The following ADAMTSL3 variants were observed in gnomAD, a reference collection of about 807,000 sequenced individuals.
ADAMTSL3 encodes ADAMTS-like protein 3.
Under a neutral mutation model 201.7 loss-of-function variants are expected in ADAMTSL3, and 128 were observed. The observed-to-expected ratio is 0.63, with a 90% CI of 0.55 to 0.73. The LOEUF is 0.73. ADAMTSL3 is among the 30% of genes least tolerant of loss of function. The pLI is 0.00. For synonymous variants in ADAMTSL3, 738 were observed against 748.4 expected (o/e 0.99, Z 0.23); for missense variants, 1,990 against 2,119.6 (o/e 0.94, Z 1.20).
chr15:83,866,409 C>G (rs367607718), intron 8 of ADAMTSL3, among the ~76,000 whole-genome samples: 24 of 152,244 alleles, frequency 1.6e-4, no homozygotes, highest in East Asian at 5.8e-4. Context: ...CACATATACA[C>G]CATGGAATAC....
In ADAMTSL3 at chr15:83,981,021, C is replaced by T. The variant is rs550041750; in HGVS notation, c.2645-1252C>T. Among the ~76,000 whole-genome samples, 8 of 152,368 alleles carry T rather than the reference C, an allele frequency of 5.3e-5. 1 individual carries two copies. The South Asian group carries it at 1.7e-3, about 32-fold the overall frequency. On this transcript the variant is annotated intron_variant, in intron 20 of 29. Transcript: ENST00000286744. The stretch of plus-strand genomic sequence containing the variant: ...CCCAAGGTAAATTAGGTCCCCATTG[C>T]ATGACCTTCTAAATCCAGAGGTATT...
In ADAMTSL3 at chr15:83,983,107, A is replaced by G. The variant is rs1350838334; in HGVS notation, c.3479A>G (p.Gln1160Arg). ...QLRGETGSVS[Q>R]SSHAKNSGKL... ...AGAGGGGAAACAGGGAGTGTGTCCC[A>G]AAGCTCGCATGCAAAAAACTCAGGC... The change falls in exon 21 of 30, where the codon CAA becomes CGA. Residue 1160 changes from glutamine to arginine, a missense_variant. Transcript: ENST00000286744. 6.2e-7 allele frequency: 1 copy of G among 1,614,164 alleles called. No homozygotes were observed.
At chr15:83,988,590 C>G (rs1209797979) in intron 21 of ADAMTSL3, 101 bp from the exon 22 acceptor site, 4 of 1,098,248 alleles carry the variant, frequency 3.6e-6, no homozygotes, top group African/African-American at 1.6e-5. Flanking sequence ...TTTGCCAGCC[C>G]AAAGCCTGTA....
chr15:83,924,824 C>T (rs767630654), intron 17 of ADAMTSL3, among the ~76,000 whole-genome samples: 1 of 152,058 alleles, frequency 6.6e-6, no homozygotes, highest in African/African-American at 2.4e-5. Context: ...CCCTCTTCTG[C>T]GAGAAGAATT....
At position 83,830,173 on chromosome 15, in the gene ADAMTSL3, G is replaced by A. The variant is rs1271146709; in HGVS notation, c.601-7916G>A. Among the ~76,000 whole-genome samples, 9 of 152,298 alleles carry A rather than the reference G, an allele frequency of 5.9e-5. No individual in the cohort carries two copies. In the East Asian group the frequency reaches 1.5e-3, roughly 26 times the overall value. ...AGAACAGGGGGCATGGGGCAAAGGT[G>A]ATGAGCTGGGCGTGCCTGTCAATCT... is the stretch of plus-strand genomic sequence containing the variant. On this transcript the variant is annotated intron_variant, in intron 6 of 29. Coordinates refer to ENST00000286744, the MANE Select transcript of ADAMTSL3 (RefSeq NM_207517.3).
intron 23 of ADAMTSL3, among the ~76,000 whole-genome samples, chr15:83,996,053 T>G (rs2141847109): frequency 1.3e-5 from 2 of 152,302 alleles, no homozygotes; most frequent in African/African-American, 4.8e-5. Flanking sequence ...GGATAATTGT[T>G]TATAAATATA....
chr15:83,700,697 GA>G (rs2061762432), intron 2 of ADAMTSL3, among the ~76,000 whole-genome samples: 2 of 152,182 alleles, frequency 1.3e-5, no homozygotes, highest in South Asian at 4.1e-4. Flanking sequence ...CTGTGAGGCG[GA>G]GAGTGCAGTG....
chr15:83,968,122 G>A (rs1305966198), intron 19 of ADAMTSL3, among the ~76,000 whole-genome samples: 2 of 152,082 alleles, frequency 1.3e-5, no homozygotes, highest in Non-Finnish European at 2.9e-5. Context: ...CATAGACATG[G>A]GCAAAGACTT....
At chr15:84,012,639 A>G (rs955451453) in intron 23 of ADAMTSL3, among the ~76,000 whole-genome samples, 5 of 152,244 alleles carry the variant, frequency 3.3e-5, no homozygotes, top group South Asian at 2.1e-4. Context: ...TTTAAGGCCA[A>G]CTGATTAGTA....
chr15:84,015,401 A>G (rs1222573919), intron 24 of ADAMTSL3, among the ~76,000 whole-genome samples: 1 of 152,348 alleles, frequency 6.6e-6, no homozygotes, highest in East Asian at 1.9e-4. Flanking sequence ...GCCCAGAGAT[A>G]TAAAGAGATA....
rs573289246 is a variant in ADAMTSL3, at chr15:83,891,716, G to A, written c.1262+337G>A. Among the ~76,000 whole-genome samples, 21 of 152,282 alleles carry A rather than the reference G, an allele frequency of 1.4e-4. 1 individual carries two copies. In the South Asian group the frequency reaches 4.2e-3, roughly 30 times the overall value. Reference sequence around the variant, plus strand: ...TGGTCCTTCCTGACTCTGAGGTTCTGTGATTCTCTAATAATATTGTCCATT... The same window carrying A: ...TGGTCCTTCCTGACTCTGAGGTTCTATGATTCTCTAATAATATTGTCCATT... On this transcript the variant is annotated intron_variant, in intron 12 of 29. Coordinates refer to ENST00000286744, the MANE Select transcript of ADAMTSL3 (RefSeq NM_207517.3).
chr15:83,886,480 A>G (rs2065393492), intron 10 of ADAMTSL3, among the ~76,000 whole-genome samples: 1 of 152,232 alleles, frequency 6.6e-6, no homozygotes, highest in African/African-American at 2.4e-5. Context: ...TATCTTGTTC[A>G]GCTAGTAAAC....
chr15:83,848,562 C>T (rs565001162), intron 7 of ADAMTSL3, among the ~76,000 whole-genome samples: 3 of 152,258 alleles, frequency 2.0e-5, no homozygotes, highest in Admixed American at 6.5e-5. Flanking sequence ...ACAAGTGAAA[C>T]CCATAAAATG....
At position 83,892,869 on chromosome 15, in the gene ADAMTSL3, T is replaced by C; in HGVS notation, c.1448T>C (p.Ile483Thr). The stretch of plus-strand genomic sequence containing the variant: ...AATCTGTTTGATTGCCCCAAGTGGA[T>C]TGCCATGGAGTGGTCTCAGGTAAGA... ...TCNLFDCPKWIAMEWSQCTVT... is the reference protein window; with the variant it reads ...TCNLFDCPKWTAMEWSQCTVT... Residue 483 changes from isoleucine (I) to threonine (T), a missense_variant, in exon 13 of 30, where the codon ATT (isoleucine) becomes ACT (threonine). Ile to Thr is a moderately conservative substitution (Grantham distance 89). Coordinates refer to ENST00000286744, the MANE Select transcript of ADAMTSL3 (RefSeq NM_207517.3). 6.2e-7 allele frequency: 1 copy of C among 1,614,070 alleles called. No homozygotes were observed. The highest frequency in any genetic ancestry group is 1.1e-5 in the South Asian group (1 of 91,072).
chr15:83,849,108 T>C (rs1029287736), intron 7 of ADAMTSL3, among the ~76,000 whole-genome samples: 6 of 152,148 alleles, frequency 3.9e-5, no homozygotes, highest in Non-Finnish European at 5.9e-5. Context: ...TAAGATGGGA[T>C]GGAGAGGAAG....
rs1471511511 is a variant in ADAMTSL3, at chr15:83,942,590, T to A, written c.2118-6T>A. On this transcript the variant is annotated splice_region_variant and splice_polypyrimidine_tract_variant and intron_variant, in intron 17 of 29. Coordinates refer to ENST00000286744, the MANE Select transcript of ADAMTSL3 (RefSeq NM_207517.3). ...TTCAACTTTCCCCACTTGTTTTCTG[T>A]TTTAGGTGGCATGTGGGCTCTTGGG... The A allele has an allele frequency of 6.2e-7, 1 of 1,610,094 alleles. No individual in the cohort carries two copies.
intron 15 of ADAMTSL3, among the ~76,000 whole-genome samples, chr15:83,903,936 AAAAAAAAAG>A (rs2065781260): frequency 1.6e-4 from 8 of 48,540 alleles, no homozygotes; most frequent in Non-Finnish European, 2.5e-4. Flanking sequence ...AAAAAAAAAA[AAAAAAAAAG>A]AAAAAAGAAA....
intron 23 of ADAMTSL3, among the ~76,000 whole-genome samples, chr15:83,992,709 C>A (rs967364920): frequency 6.6e-6 from 1 of 152,220 alleles, no homozygotes; most frequent in Non-Finnish European, 1.5e-5. Context: ...TATTTGCTAT[C>A]GGAAGTCAAA....
chr15:83,713,577 A>C (rs2061961455), intron 3 of ADAMTSL3, among the ~76,000 whole-genome samples: 1 of 152,134 alleles, frequency 6.6e-6, no homozygotes, highest in Non-Finnish European at 1.5e-5. Flanking sequence ...GCAACTGTAC[A>C]TGCTGTTCTG....
Sources: gnomAD v4.1 joint callset for allele counts (sites outside exome capture counted in the v4.1 genomes callset) on GRCh38, gnomAD v4.1.1 for gene constraint, MANE v1.5 for transcripts, NCBI Gene and HGNC (gene_info 2026-07-23, HGNC 2026-07-21) for gene names.